CCDC138: variants seen among roughly 807,000 people sequenced by gnomAD.
CCDC138 encodes coiled-coil domain containing 138.
In CCDC138, 66 loss-of-function variants were observed where a neutral mutation model predicts 82.3. The observed-to-expected ratio is 0.80, with a 90% confidence interval of 0.66 to 0.98. The LOEUF is 0.98. Ranked by LOEUF, CCDC138 falls within the 50% of genes least tolerant of loss-of-function variation. CCDC138 has a pLI of 0.00. For synonymous variants in CCDC138, 297 were observed against 265.4 expected, an observed-to-expected ratio of 1.12 and a Z score of -1.16; for missense variants, 816 against 758.9, an observed-to-expected ratio of 1.08 and a Z score of -0.88.
At chr2:108,808,669 T>A (rs951502578) in intron 7 of CCDC138, among the ~76,000 whole-genome samples, 1 of 152,218 alleles carries the variant, frequency 6.6e-6, no homozygotes, top group Non-Finnish European at 1.5e-5. Flanking sequence ...GTTTGAGAAA[T>A]GTCTAGTCAG....
intron 13 of CCDC138, among the ~76,000 whole-genome samples, chr2:108,857,528 T>C (rs1692824072): frequency 6.6e-6 from 1 of 152,230 alleles, no homozygotes; most frequent in African/African-American, 2.4e-5. Context: ...CTAAGGCTTG[T>C]TCTACCAAAG....
At chr2:108,825,906 T>G (rs1272763259) in intron 10 of CCDC138, among the ~76,000 whole-genome samples, 1 of 152,216 alleles carries the variant, frequency 6.6e-6, no homozygotes, top group African/African-American at 2.4e-5. Flanking sequence ...TTTCGATTTC[T>G]TTATATCATG....
intron 3 of CCDC138, among the ~76,000 whole-genome samples, chr2:108,789,517 C>A (rs1373542088): frequency 2.0e-5 from 3 of 152,130 alleles, no homozygotes; most frequent in Non-Finnish European, 4.4e-5. Flanking sequence ...TCACTTGAAC[C>A]CGGGAGGTGG....
At chr2:108,875,525 G>A (rs1232956081) in intron 14 of CCDC138, among the ~76,000 whole-genome samples, 2 of 151,944 alleles carry the variant, frequency 1.3e-5, no homozygotes, top group African/African-American at 2.4e-5. Context: ...AAATTCTCAC[G>A]CTCTCTAATA....
intron 7 of CCDC138, among the ~76,000 whole-genome samples, chr2:108,809,707 A>C (rs1168780663): frequency 3.3e-5 from 5 of 152,126 alleles, no homozygotes; most frequent in Admixed American, 2.6e-4. Flanking sequence ...CAAATTTATC[A>C]GTTCTGAGAA....
rs1274823707 is a variant in CCDC138 at position 108,860,901 on chromosome 2, G to T, written c.1693+3931G>T. Among the ~76,000 whole-genome samples, 4 of 130,352 alleles carry T rather than the reference G, an allele frequency of 3.1e-5. No individual in the cohort carries two copies. The East Asian group carries it at 7.5e-4, about 24-fold the overall frequency. 85.5% of individuals were successfully genotyped at this position (130,352 alleles called of 152,430 possible). On this transcript the variant is annotated intron_variant, in intron 13 of 14. Transcript: ENST00000295124. The stretch of plus-strand genomic sequence containing the variant: ...GTATCAGCTCTTCTTTGTTCATCTG[G>T]TAGAATTTGGCTGTGAATCCATCTG...
chr2:108,855,273 A>T (rs1338111473), intron 12 of CCDC138, among the ~76,000 whole-genome samples: 1 of 152,178 alleles, frequency 6.6e-6, no homozygotes, highest in Admixed American at 6.5e-5. Context: ...CCTCAAGGAC[A>T]ATTTTTTAAA....
At chr2:108,844,218 G>GA (rs1417703953) in intron 11 of CCDC138, among the ~76,000 whole-genome samples, 1 of 151,952 alleles carries the variant, frequency 6.6e-6, no homozygotes, top group Non-Finnish European at 1.5e-5. Flanking sequence ...CTAATGACGT[G>GA]ATTTTAGATG....
At chr2:108,879,941 G>T (rs943025285), downstream of CCDC138, among the ~76,000 whole-genome samples, 2 of 152,042 alleles carry the variant, frequency 1.3e-5, no homozygotes, top group Non-Finnish European at 2.9e-5. Context: ...TTTTCAGCAG[G>T]GTGGTGGACT....
rs1357818746 is a variant in CCDC138, at chr2:108,864,776, A to G, written c.1693+7806A>G. Among the ~76,000 whole-genome samples, 3 of 145,858 alleles carry G rather than the reference A, an allele frequency of 2.1e-5. No homozygotes were observed. In the East Asian group the frequency reaches 6.1e-4, roughly 30 times the overall value. On this transcript the variant is annotated intron_variant, in intron 13 of 14. Coordinates refer to ENST00000295124, the MANE Select transcript of CCDC138 (RefSeq NM_144978.3). Reference sequence around the variant, plus strand: ...GCCTCTGCACTCCAGCCTGGGCGACAGAGCGAGACTCCATCTCAAAAAAAA... The same window carrying G: ...GCCTCTGCACTCCAGCCTGGGCGACGGAGCGAGACTCCATCTCAAAAAAAA...
At chr2:108,878,032 T>A (rs1696143140), downstream of CCDC138, among the ~76,000 whole-genome samples, 1 of 152,164 alleles carries the variant, frequency 6.6e-6, no homozygotes, top group Non-Finnish European at 1.5e-5. Context: ...CTTCAGACAT[T>A]CAGGCGTTGA....
chr2:108,794,444 T>A, intron 4 of CCDC138, 96 bp from the exon 5 acceptor site: 1 of 1,112,462 alleles, frequency 9.0e-7, no homozygotes, highest in Non-Finnish European at 1.3e-6. Flanking sequence ...AATGTTATAT[T>A]TTGTACTTAA....
At chr2:108,797,411 A>G (rs1000469509) in intron 5 of CCDC138, among the ~76,000 whole-genome samples, 1 of 152,254 alleles carries the variant, frequency 6.6e-6, no homozygotes, top group Non-Finnish European at 1.5e-5. Context: ...AGTGACCTTT[A>G]GATTTAGTAA....
chr2:108,786,797 G>C lies in CCDC138; in HGVS notation c.-26G>C. On this transcript the variant is annotated 5_prime_UTR_variant, in exon 1 of 15. Transcript: ENST00000295124. Reference sequence around the variant, plus strand: ...CGGGTTTGATGAACGCGGTTCCCGGGGAGACTGGTACGGTTGCTGTGTGCT... The same window carrying C: ...CGGGTTTGATGAACGCGGTTCCCGGCGAGACTGGTACGGTTGCTGTGTGCT... 4 of 1,569,394 alleles carry C rather than the reference G, an allele frequency of 2.5e-6. No individual in the cohort carries two copies. The highest frequency in any genetic ancestry group is 3.5e-6 in the Non-Finnish European group (4 of 1,156,010).
Position 108,794,569 on chromosome 2 carries a change from A to C in CCDC138, c.424A>C (p.Arg142=), listed in dbSNP as rs138368434. Residue 142 remains arginine (R), a synonymous_variant, in exon 5 of 15, where the codon AGA becomes CGA. Coordinates refer to ENST00000295124, the MANE Select transcript of CCDC138 (RefSeq NM_144978.3). ...CTTGCCAACTAATACGACCTCATCG[A>C]GACCTCGGACTGAGTGTTGTAGTGA... ...VALPTNTTSS[R]PRTECCSDAG... The C allele has an allele frequency of 1.1e-5, 17 of 1,612,712 alleles. 1 individual carries two copies. Among genetic ancestry groups the C allele is most frequent in the East Asian group, 4.5e-5 (2 of 44,850 alleles).
At chr2:108,834,230 T>C (rs1688213456) in intron 10 of CCDC138, among the ~76,000 whole-genome samples, 5 of 150,768 alleles carry the variant, frequency 3.3e-5, no homozygotes, top group Admixed American at 3.3e-4. Flanking sequence ...TTTTTTTTTT[T>C]GAGACAGAGT....
intron 7 of CCDC138, among the ~76,000 whole-genome samples, chr2:108,805,956 T>C (rs1682810034): frequency 6.6e-6 from 1 of 152,068 alleles, no homozygotes; most frequent in Admixed American, 6.6e-5. Context: ...ACTTTGAAAA[T>C]GAAAGCATTG....
At chr2:108,884,349 A>C (rs978581945) in intron 2 of CCDC138, 2 of 152,248 alleles carry the variant, frequency 1.3e-5, no homozygotes, top group East Asian at 3.8e-4. Context: ...AACACTCCTC[A>C]GAATGGGAGC....
intron 4 of CCDC138, among the ~76,000 whole-genome samples, chr2:108,794,120 A>G (rs1251868889): frequency 6.6e-6 from 1 of 152,224 alleles, no homozygotes; most frequent in Non-Finnish European, 1.5e-5. Context: ...CAAAACAAGC[A>G]AGGACTTTTA....
Sources: allele counts gnomAD v4.1 joint callset (sites outside exome capture counted in the v4.1 genomes callset), GRCh38; gene constraint gnomAD v4.1.1; transcripts MANE v1.5; gene names NCBI Gene and HGNC (gene_info 2026-07-23, HGNC 2026-07-21).